The following RPS6 variants were observed in gnomAD, a reference collection of about 807,000 sequenced individuals.
RPS6 encodes the protein small ribosomal subunit protein eS6.
Under a neutral mutation model 27.1 loss-of-function variants are expected in RPS6, and 1 was observed. The ratio of observed to expected loss-of-function variants is 0.04; its 90% CI spans 0.01 to 0.18. RPS6 has a LOEUF of 0.18. Among genes scored for constraint, RPS6 ranks in the 10% least tolerant of loss-of-function variants. The pLI, the probability that RPS6 is intolerant of heterozygous loss-of-function variation, is 1.00. For synonymous variants in RPS6, 152 were observed against 106.0 expected (o/e 1.43, Z -2.66); for missense variants, 259 against 319.1 (o/e 0.81, Z 1.44).
chr9:19,378,641 T>C, intron 3 of RPS6, 67 bp downstream of exon 3: 5 of 1,585,682 alleles, frequency 3.2e-6, no homozygotes, highest in East Asian at 2.2e-5. Context: ...ATACTGCAAA[T>C]GAATAAGCAT....
chr9:19,379,525 T>C lies in RPS6; in HGVS notation c.100A>G (p.Thr34Ala). 1.9e-6 allele frequency: 3 copies of C among 1,614,180 alleles called. No individual in the cohort carries two copies. The highest frequency in any genetic ancestry group is 2.5e-6 in the Non-Finnish European group (3 of 1,180,036). Residue 34 changes from threonine (T) to alanine (A), a missense_variant, in exon 2 of 6, where the codon ACA becomes GCA. Coordinates refer to ENST00000380394, the MANE Select transcript of RPS6 (RefSeq NM_001010.3). ...CCCAGAGCGTCAGCAGCAACTTCTG[T>C]GGCCATACGCTTCTCATAGAAAGTA... Reference protein sequence around the residue: ...LRTFYEKRMATEVAADALGEE... With the variant: ...LRTFYEKRMAAEVAADALGEE...
intron 1 of RPS6, 192 bp from the exon 2 acceptor site, chr9:19,379,810 AG>A: frequency 1.4e-6 from 2 of 1,433,264 alleles, no homozygotes; most frequent in Non-Finnish European, 1.8e-6. Flanking sequence ...CGCACTCAGC[AG>A]GACGTTTTCC....
chr9:19,378,984 G>T, intron 2 of RPS6, 66 bp from the exon 3 acceptor site: 1 of 1,442,574 alleles, frequency 6.9e-7, no homozygotes, highest in Non-Finnish European at 9.6e-7. Flanking sequence ...GTACAGGATT[G>T]TGACCTCTGT....
At chr9:19,379,839 T>C (rs570889419) in intron 1 of RPS6, 2 of 1,424,530 alleles carry the variant, frequency 1.4e-6, no homozygotes, top group Non-Finnish European at 9.1e-7. Context: ...CCCCGCGGAA[T>C]GACTCTGGGG....
At chr9:19,380,156 C>T in intron 1 of RPS6, 34 bp downstream of exon 1, 1 of 1,614,144 alleles carries the variant, frequency 6.2e-7, no homozygotes. Context: ...TCACGTTCCC[C>T]AAACCCAGTC....
At chr9:19,378,142 C>T (rs1255603396) in intron 4 of RPS6, among the ~76,000 whole-genome samples, 1 of 152,188 alleles carries the variant, frequency 6.6e-6, no homozygotes, top group South Asian at 2.1e-4. Flanking sequence ...CAAAGATTCA[C>T]AAGCAGATTT....
At chr9:19,378,990 T>G (rs1829634880) in intron 2 of RPS6, 72 bp from the exon 3 acceptor site, 1 of 1,394,920 alleles carries the variant, frequency 7.2e-7, no homozygotes, top group Non-Finnish European at 1.0e-6. Flanking sequence ...GATTGTGACC[T>G]CTGTGAACAC....
At chr9:19,380,017 G>A (rs181018041) in intron 1 of RPS6, 173 bp downstream of exon 1, 1 of 1,511,344 alleles carries the variant, frequency 6.6e-7, no homozygotes, top group African/African-American at 1.4e-5. Flanking sequence ...GCAATCGCCT[G>A]CCATCCGTTC....
chr9:19,379,815 G>A (rs1029578768), intron 1 of RPS6, 197 bp from the exon 2 acceptor site: 19 of 1,429,222 alleles, frequency 1.3e-5, no homozygotes, highest in Non-Finnish European at 1.7e-5. Flanking sequence ...TCAGCAGGAC[G>A]TTTTCCCCTC....
chr9:19,378,314 A>G (rs772929757), intron 4 of RPS6, 54 bp downstream of exon 4: 1 of 1,567,064 alleles, frequency 6.4e-7, no homozygotes, highest in South Asian at 1.1e-5. Context: ...TGCACACAAA[A>G]TGATAGACAA....
chr9:19,376,891 T>C (rs1182150365), intron 4 of RPS6: 2 of 388,386 alleles, frequency 5.1e-6, no homozygotes, highest in Non-Finnish European at 9.1e-6. Flanking sequence ...CCAGGCTAAC[T>C]TTTACTACCT....
At chr9:19,379,411 C>G in intron 2 of RPS6, 76 bp downstream of exon 2, 1 of 1,590,714 alleles carries the variant, frequency 6.3e-7, no homozygotes, top group Non-Finnish European at 8.6e-7. Flanking sequence ...GAGTCTGAAC[C>G]CCATTCCAAA....
At position 19,376,101 on chromosome 9, in the gene RPS6, C is replaced by A. The variant is rs1356942707; in HGVS notation, c.*192G>T. 8.9e-6 allele frequency: 5 copies of A among 560,140 alleles called. No individual in the cohort carries two copies. The Admixed American group carries it at 1.7e-4, about 19-fold the overall frequency. 34.7% of individuals were successfully genotyped at this position (560,140 alleles called of 1,614,324 possible). Reference sequence around the variant, plus strand: ...GCCACCCATCCCCTGAAAGGAACCCCTGTACACTGACCTTGTCTTCCACTA... The same window carrying A: ...GCCACCCATCCCCTGAAAGGAACCCATGTACACTGACCTTGTCTTCCACTA... On this transcript the variant is annotated 3_prime_UTR_variant, in exon 6 of 6. Transcript: ENST00000380394.
Sources: gnomAD v4.1 joint callset for allele counts (sites outside exome capture counted in the v4.1 genomes callset) on GRCh38, gnomAD v4.1.1 for gene constraint, MANE v1.5 for transcripts, NCBI Gene and HGNC (gene_info 2026-07-23, HGNC 2026-07-21) for gene names.